Variants in ACSS3 observed in about 807,000 individuals in gnomAD.
ACSS3 encodes the protein acyl-CoA synthetase short chain family member 3, also known as acyl-CoA synthetase short-chain family member 3, mitochondrial.
ACSS3 carries 64 observed loss-of-function variants against 84.2 expected under a neutral mutation model. The ratio of observed to expected loss-of-function variants is 0.76; its 90% CI spans 0.62 to 0.94. The LOEUF (loss-of-function observed/expected upper bound fraction) is 0.94, where lower values mean the gene tolerates loss of function less well. Among genes scored for constraint, ACSS3 ranks in the 40% least tolerant of loss-of-function variants. The pLI, the probability that ACSS3 is intolerant of heterozygous loss-of-function variation, is 0.00. For synonymous variants in ACSS3, 317 were observed against 310.1 expected, an observed-to-expected ratio of 1.02 and a Z score of -0.23; for missense variants, 815 against 867.6, an observed-to-expected ratio of 0.94 and a Z score of 0.76.
chr12:81,142,391 A>C (rs551522099), intron 4 of ACSS3, among the ~76,000 whole-genome samples: 75 of 152,298 alleles, frequency 4.9e-4, no homozygotes, highest in African/African-American at 1.8e-3. Flanking sequence ...CTTTTCACCC[A>C]TCTGGCCATT....
At chr12:81,220,253 G>A (rs1004145788) in intron 11 of ACSS3, among the ~76,000 whole-genome samples, 177 bp downstream of exon 11, 2 of 151,714 alleles carry the variant, frequency 1.3e-5, no homozygotes, top group Non-Finnish European at 2.9e-5. Context: ...CATAAAATAC[G>A]ACCAATTTAA....
chr12:81,099,294 T>C (rs1009492450), intron 1 of ACSS3, among the ~76,000 whole-genome samples: 1 of 152,134 alleles, frequency 6.6e-6, no homozygotes, highest in Non-Finnish European at 1.5e-5. Context: ...CCCATGTATA[T>C]AGGAGGTCAT....
chr12:81,105,804 G>T (rs889427388), intron 1 of ACSS3, among the ~76,000 whole-genome samples: 1 of 152,192 alleles, frequency 6.6e-6, no homozygotes, highest in African/African-American at 2.4e-5. Context: ...CATTCAGGTA[G>T]ATTACAGTGT....
intron 5 of ACSS3, 192 bp from the exon 6 acceptor site, chr12:81,151,652 A>G (rs1433735489): frequency 4.0e-6 from 2 of 495,566 alleles, no homozygotes; most frequent in East Asian, 6.6e-5. Context: ...TAATGAGGAC[A>G]AATTATTTTG....
Position 81,125,870 on chromosome 12 carries a change from C to A in ACSS3, c.457-8946C>A, listed in dbSNP as rs141716957. On this transcript the variant is annotated intron_variant, in intron 2 of 15. Transcript: ENST00000548058. Reference sequence around the variant, plus strand: ...AGTTGCTAAAACCCAAACTGTGGCCCCATTCTTAATATTTCTCAAATAAGC... The same window carrying A: ...AGTTGCTAAAACCCAAACTGTGGCCACATTCTTAATATTTCTCAAATAAGC... 3.9e-3 allele frequency: 590 copies of A among 152,242 alleles called. 7 individuals are homozygous for A. The highest frequency in any genetic ancestry group is 0.014 in the African/African-American group (575 of 41,550). 9.4% of individuals were successfully genotyped at this position (152,242 alleles called of 1,614,324 possible).
In ACSS3 at chr12:81,134,819, T is replaced by G. The variant is rs746474455; in HGVS notation, c.460T>G (p.Ser154Ala). 1.3e-6 allele frequency: 2 copies of G among 1,555,008 alleles called. No individual in the cohort carries two copies. Among genetic ancestry groups the G allele is most frequent in the Non-Finnish European group, 1.7e-6 (2 of 1,144,310 alleles). Reference sequence around the variant, plus strand: ...TGATTTAATGGTCTTGGCATAGGTCTCCAAGCTGGCTGGTGTCTTGGTCAA... The same window carrying G: ...TGATTTAATGGTCTTGGCATAGGTCGCCAAGCTGGCTGGTGTCTTGGTCAA... ...FTYKEVLEQV[S>A]KLAGVLVKHG... The change falls in exon 3 of 16, where the codon TCC becomes GCC. Residue 154 changes from serine (S) to alanine (A), a missense_variant. Coordinates refer to ENST00000548058, the MANE Select transcript of ACSS3 (RefSeq NM_024560.4).
At chr12:81,086,574 G>A (rs895522017) in intron 1 of ACSS3, among the ~76,000 whole-genome samples, 9 of 152,158 alleles carry the variant, frequency 5.9e-5, no homozygotes, top group Admixed American at 5.9e-4. Context: ...TCAATCGGCT[G>A]TGACTGATCA....
At chr12:81,213,856 T>C (rs775466957) in intron 9 of ACSS3, among the ~76,000 whole-genome samples, 1,134 of 76,004 alleles carry the variant, frequency 0.015, 109 homozygotes, top group Non-Finnish European at 0.022. Context: ...CTCTCCTCTC[T>C]TCTCTTCCTT....
At chr12:81,137,224 CTG>C (rs1885851320) in intron 3 of ACSS3, among the ~76,000 whole-genome samples, 1 of 149,508 alleles carries the variant, frequency 6.7e-6, no homozygotes, top group South Asian at 2.1e-4. Flanking sequence ...GCAAAAGAAA[CTG>C]TAAAAAATTT....
chr12:81,176,271 T>C (rs2030470674), intron 8 of ACSS3, among the ~76,000 whole-genome samples: 1 of 152,130 alleles, frequency 6.6e-6, no homozygotes, highest in African/African-American at 2.4e-5. Context: ...TCTGAAAACA[T>C]ACAATCTCTT....
chr12:81,218,198 A>G (rs1438952358), intron 10 of ACSS3, among the ~76,000 whole-genome samples: 1 of 152,166 alleles, frequency 6.6e-6, no homozygotes, highest in Admixed American at 6.5e-5. Context: ...TGCTACTAAT[A>G]TTTCAGAAAA....
intron 1 of ACSS3, among the ~76,000 whole-genome samples, chr12:81,104,018 G>A (rs1408426241): frequency 2.0e-5 from 3 of 152,124 alleles, no homozygotes; most frequent in African/African-American, 7.2e-5. Context: ...ATTGATAAAT[G>A]TTATTTAGAG....
chr12:81,089,106 T>C lies in ACSS3; in HGVS notation c.311+10675T>C, dbSNP rs12312726. On this transcript the variant is annotated intron_variant, in intron 1 of 15. Coordinates refer to ENST00000548058, the MANE Select transcript of ACSS3 (RefSeq NM_024560.4). ...CTATAATGACCACATTATTCATTGC[T>C]TATAGTATGCTTTAATGTTATTTTT... Among the ~76,000 whole-genome samples, 1,159 of 152,020 alleles carry C rather than the reference T, an allele frequency of 7.6e-3. 17 individuals carry two copies. Among genetic ancestry groups the C allele is most frequent in the African/African-American group, 0.027 (1,116 of 41,508 alleles).
Position 81,174,814 on chromosome 12 carries a change from TG to T in ACSS3, c.1127del (p.Gly376AlafsTer12). 1.9e-6 allele frequency: 3 copies of T among 1,613,676 alleles called. No individual in the cohort carries two copies. Among genetic ancestry groups the T allele is most frequent in the Non-Finnish European group, 2.5e-6 (3 of 1,179,746 alleles). On this transcript the variant is annotated frameshift_variant, in exon 8 of 16. Transcript: ENST00000548058. LOFTEE classifies it high-confidence loss of function. ...EGKPVGTPDA[G>X]AYFRVLAEHG... Reference sequence around the variant, plus strand: ...GGAAGCCTGTGGGAACACCAGATGCTGGCGCTTATTTCCGTGTGCTTGCAGA... The same window carrying T: ...GGAAGCCTGTGGGAACACCAGATGCTGCGCTTATTTCCGTGTGCTTGCAGA...
intron 8 of ACSS3, among the ~76,000 whole-genome samples, chr12:81,188,424 T>C (rs2031391058): frequency 6.6e-6 from 1 of 152,072 alleles, no homozygotes; most frequent in African/African-American, 2.4e-5. Flanking sequence ...TTATAATTAT[T>C]ACAAAGTGAA....
At chr12:81,183,960 A>ACTTC (rs912802741) in intron 8 of ACSS3, among the ~76,000 whole-genome samples, 1 of 151,874 alleles carries the variant, frequency 6.6e-6, no homozygotes, top group African/African-American at 2.4e-5. Flanking sequence ...CATATACAGA[A>ACTTC]CTTCCCTTCC....
At chr12:81,139,100 C>T in intron 3 of ACSS3, 31 bp from the exon 4 acceptor site, 1 of 1,600,680 alleles carries the variant, frequency 6.2e-7, no homozygotes, top group Non-Finnish European at 8.5e-7. Flanking sequence ...ATTGTTAAAG[C>T]TTTCTCTCCA....
intron 2 of ACSS3, among the ~76,000 whole-genome samples, chr12:81,121,341 C>A (rs1402068275): frequency 6.6e-6 from 1 of 152,046 alleles, no homozygotes; most frequent in Non-Finnish European, 1.5e-5. Flanking sequence ...CTAAACAATG[C>A]AGCAGGATTC....
chr12:81,188,826 A>C (rs545711698), intron 8 of ACSS3, among the ~76,000 whole-genome samples: 23 of 152,262 alleles, frequency 1.5e-4, no homozygotes. Flanking sequence ...TTTACTCCGT[A>C]CAACATGATG....
Sources: gnomAD v4.1 joint callset for allele counts (sites outside exome capture counted in the v4.1 genomes callset) on GRCh38, gnomAD v4.1.1 for gene constraint, MANE v1.5 for transcripts, NCBI Gene and HGNC (gene_info 2026-07-23, HGNC 2026-07-21) for gene names.